Variants in ASTN2 observed in about 807,000 individuals in gnomAD.
The protein encoded by ASTN2 is astrotactin-2.
ASTN2 carries 54 observed loss-of-function variants against 139.8 expected under a neutral mutation model. The ratio of observed to expected loss-of-function variants is 0.39; its 90% CI spans 0.31 to 0.48. The LOEUF is 0.48. Ranked by LOEUF, ASTN2 falls within the 20% of genes least tolerant of loss-of-function variation. ASTN2 has a pLI of 0.95. For missense variants in ASTN2, 1,565 were observed against 1,725.1 expected, an observed-to-expected ratio of 0.91 and a Z score of 1.64; for synonymous variants, 756 against 719.5, an observed-to-expected ratio of 1.05 and a Z score of -0.81.
chr9:117,267,813 G>A (rs146927110), intron 2 of ASTN2, among the ~76,000 whole-genome samples: 1 of 152,134 alleles, frequency 6.6e-6, no homozygotes, highest in Admixed American at 6.5e-5. Context: ...GAGGAGCGGG[G>A]AGTGATTTAG....
intron 16 of ASTN2, among the ~76,000 whole-genome samples, chr9:116,706,534 G>T (rs1827991932): frequency 6.6e-6 from 1 of 152,028 alleles, no homozygotes; most frequent in South Asian, 2.1e-4. Flanking sequence ...AGAACTCGCT[G>T]CTCTCTGTAA....
intron 3 of ASTN2, among the ~76,000 whole-genome samples, chr9:117,171,824 C>T (rs142880307): frequency 5.8e-4 from 89 of 152,148 alleles, no homozygotes; most frequent in African/African-American, 7.0e-4. Flanking sequence ...TATAAATTAC[C>T]GAGCCTTGGG....
intron 1 of ASTN2, among the ~76,000 whole-genome samples, chr9:117,379,443 G>C (rs919291109): frequency 6.6e-6 from 1 of 152,148 alleles, no homozygotes; most frequent in South Asian, 2.1e-4. Context: ...ATGGTGACTG[G>C]CTGGCTCCAA....
intron 16 of ASTN2, among the ~76,000 whole-genome samples, chr9:116,724,346 C>T (rs892115194): frequency 2.6e-5 from 4 of 152,214 alleles, no homozygotes; most frequent in African/African-American, 7.2e-5. Context: ...ATTATATCCA[C>T]TGTGCCCATA....
rs749754981 is a variant in ASTN2, at chr9:117,291,288, G to A, written c.630+38C>T. On this transcript the variant is annotated intron_variant, in intron 2 of 22. Coordinates refer to ENST00000313400, the MANE Select transcript of ASTN2 (RefSeq NM_001365068.1). ...ATCTCTCCACCCATTCCTCCCCCAC[G>A]CAATCCCCGACCCCGGTCACATCCC... The A allele has an allele frequency of 2.5e-5, 39 of 1,543,524 alleles. 1 individual carries two copies. Among genetic ancestry groups the A allele is most frequent in the South Asian group, 2.1e-4 (18 of 84,980 alleles).
chr9:116,494,145 T>C (rs765602388), intron 19 of ASTN2, among the ~76,000 whole-genome samples: 2 of 152,110 alleles, frequency 1.3e-5, no homozygotes, highest in East Asian at 3.9e-4. Flanking sequence ...CTCACCTTTA[T>C]TGTAATGGCA....
chr9:117,284,685 T>C (rs1384280659), intron 2 of ASTN2, among the ~76,000 whole-genome samples: 3 of 152,252 alleles, frequency 2.0e-5, no homozygotes, highest in Non-Finnish European at 4.4e-5. Context: ...AGGAAGCTAA[T>C]GCACTTATAA....
rs979838321 is a variant in ASTN2 at position 117,414,962 on chromosome 9, G to GGGC, written c.-27_-25dup. ...ATGGCGGGAGGGGCTGCGGTGCTGC[G>GGGC]GGCGGCGGCGGCGGTGGCGGCGGTG... On this transcript the variant is annotated 5_prime_UTR_variant, in exon 1 of 23. Transcript: ENST00000313400. The surrounding 1 kb of genome is among the most constrained non-coding windows in gnomAD (Gnocchi z 4.2). 1.7e-5 allele frequency: 4 copies of GGGC among 237,166 alleles called. No individual in the cohort carries two copies. The highest frequency in any genetic ancestry group is 1.5e-4 in the South Asian group (1 of 6,856). 14.7% of individuals were successfully genotyped at this position (237,166 alleles called of 1,614,324 possible). A position where few individuals can be genotyped will look rare whatever the true frequency, so the allele number is the denominator to read the frequency against.
At chr9:116,973,630 C>A (rs1425301080) in intron 10 of ASTN2, among the ~76,000 whole-genome samples, 1 of 152,154 alleles carries the variant, frequency 6.6e-6, no homozygotes, top group East Asian at 1.9e-4. Context: ...TGAGAATAGT[C>A]TTTTAAACCA....
At chr9:116,610,238 G>T (rs1166090169) in intron 19 of ASTN2, among the ~76,000 whole-genome samples, 1 of 152,092 alleles carries the variant, frequency 6.6e-6, no homozygotes, top group Non-Finnish European at 1.5e-5. Context: ...TGCCAGCTTG[G>T]ATTAAAAAAT....
At chr9:116,980,436 G>T (rs558804427) in intron 7 of ASTN2, among the ~76,000 whole-genome samples, 1 of 151,302 alleles carries the variant, frequency 6.6e-6, no homozygotes, top group Admixed American at 6.6e-5. Flanking sequence ...TTCCAAGCTG[G>T]CCACTGGGTT....
At chr9:117,047,167 G>C (rs1030698277) in intron 5 of ASTN2, among the ~76,000 whole-genome samples, 1 of 152,226 alleles carries the variant, frequency 6.6e-6, no homozygotes, top group Non-Finnish European at 1.5e-5. Flanking sequence ...ACAAGTGCAA[G>C]TGTCATACTG....
At chr9:117,032,979 A>G (rs192024583) in intron 6 of ASTN2, among the ~76,000 whole-genome samples, 1 of 152,304 alleles carries the variant, frequency 6.6e-6, no homozygotes, top group East Asian at 1.9e-4. Flanking sequence ...AGGTATTTTG[A>G]TGCAACAATC....
intron 10 of ASTN2, among the ~76,000 whole-genome samples, chr9:116,911,700 C>T (rs552838036): frequency 2.0e-5 from 3 of 152,152 alleles, no homozygotes; most frequent in South Asian, 2.1e-4. Context: ...GTCAGGAGAT[C>T]GAGAACATCC....
At chr9:116,625,742 C>T (rs1472125101) in intron 17 of ASTN2, among the ~76,000 whole-genome samples, 7 of 152,170 alleles carry the variant, frequency 4.6e-5, no homozygotes, top group African/African-American at 1.7e-4. Context: ...AGTGCATGCA[C>T]TATTTCATAC....
At chr9:116,939,736 A>T (rs1343814714) in intron 10 of ASTN2, among the ~76,000 whole-genome samples, 2 of 152,172 alleles carry the variant, frequency 1.3e-5, no homozygotes, top group Non-Finnish European at 2.9e-5. Flanking sequence ...ATGTGGTCTC[A>T]TAAAGCTCAC....
chr9:117,341,995 C>A (rs1829075479), intron 1 of ASTN2, among the ~76,000 whole-genome samples: 1 of 152,300 alleles, frequency 6.6e-6, no homozygotes, highest in African/African-American at 2.4e-5. Flanking sequence ...ATGGACCCAA[C>A]TTTGCAGCTA....
At chr9:117,068,660 G>C (rs7872582) in intron 5 of ASTN2, among the ~76,000 whole-genome samples, 252 of 91,596 alleles carry the variant, frequency 2.8e-3, no homozygotes, top group African/African-American at 7.3e-3. Flanking sequence ...GGTTGGTAAA[G>C]TATTGATTAT....
At chr9:117,096,858 C>T (rs114888356) in intron 4 of ASTN2, among the ~76,000 whole-genome samples, 4,487 of 152,280 alleles carry the variant, frequency 0.029, 220 homozygotes, top group African/African-American at 0.099. Flanking sequence ...AAAGGACTTC[C>T]AGCAGAGGTA....
Sources: allele counts gnomAD v4.1 joint callset (sites outside exome capture counted in the v4.1 genomes callset), GRCh38; gene constraint gnomAD v4.1.1; non-coding constraint Gnocchi (gnomAD v3.1); transcripts MANE v1.5; gene names NCBI Gene and HGNC (gene_info 2026-07-23, HGNC 2026-07-21).